The following GABRB1 variants were observed in gnomAD, a reference collection of about 807,000 sequenced individuals.
GABRB1 encodes the protein gamma-aminobutyric acid type A receptor subunit beta1.
GABRB1 carries 17 observed loss-of-function variants against 51.6 expected under a neutral mutation model. The observed-to-expected ratio is 0.33, with a 90% confidence interval of 0.23 to 0.49. The LOEUF is 0.49. GABRB1 is among the 20% of genes least tolerant of loss of function. The pLI is 0.99. For missense variants in GABRB1, 410 were observed against 600.6 expected (o/e 0.68, Z 3.32); for synonymous variants, 247 against 218.9 (o/e 1.13, Z -1.14).
At chr4:47,021,117 A>G (rs946446241) in intron 1 of GABRB1, among the ~76,000 whole-genome samples, 1 of 152,158 alleles carries the variant, frequency 6.6e-6, no homozygotes. Flanking sequence ...AACCCTCCAC[A>G]GATTCCTATC....
intron 5 of GABRB1, among the ~76,000 whole-genome samples, chr4:47,386,313 T>C (rs1578138484): frequency 6.6e-6 from 1 of 152,186 alleles, no homozygotes; most frequent in African/African-American, 2.4e-5. Flanking sequence ...AAATCACATA[T>C]ATATTTATTA....
intron 5 of GABRB1, among the ~76,000 whole-genome samples, chr4:47,379,361 T>G (rs541716872): frequency 1.1e-4 from 17 of 152,290 alleles, no homozygotes; most frequent in African/African-American, 4.1e-4. Flanking sequence ...AGCCATTCAG[T>G]TTTTCATTTT....
At chr4:47,388,889 G>A (rs532482813) in intron 5 of GABRB1, among the ~76,000 whole-genome samples, 53 of 152,252 alleles carry the variant, frequency 3.5e-4, no homozygotes, top group African/African-American at 1.2e-3. Flanking sequence ...AAAGGATTGG[G>A]TTTGTTTTCT....
At chr4:47,269,672 T>C (rs778009257) in intron 4 of GABRB1, among the ~76,000 whole-genome samples, 9 of 152,058 alleles carry the variant, frequency 5.9e-5, no homozygotes, top group Non-Finnish European at 1.0e-4. Flanking sequence ...TTTTCTTTCT[T>C]CCCCGTGTCT....
chr4:47,371,254 A>G (rs910902513), intron 5 of GABRB1, among the ~76,000 whole-genome samples: 4 of 152,162 alleles, frequency 2.6e-5, no homozygotes, highest in Non-Finnish European at 5.9e-5. Flanking sequence ...ATGGCCCTGG[A>G]AAGAACATGA....
At chr4:47,123,438 T>TATTATATATTATAATATATTAC (rs1715886987) in intron 3 of GABRB1, among the ~76,000 whole-genome samples, 1 of 68,980 alleles carries the variant, frequency 1.4e-5, no homozygotes, top group Non-Finnish European at 2.8e-5. Context: ...TATTATAATA[T>TATTATATATTATAATATATTAC]ATTATTTTAT....
intron 3 of GABRB1, among the ~76,000 whole-genome samples, chr4:47,130,145 G>A (rs1397507143): frequency 6.6e-6 from 1 of 152,064 alleles, no homozygotes; most frequent in Non-Finnish European, 1.5e-5. Context: ...GATACCAAGT[G>A]TTTTATTTCC....
intron 4 of GABRB1, among the ~76,000 whole-genome samples, chr4:47,289,672 G>A (rs895769747): frequency 2.4e-4 from 36 of 152,286 alleles, no homozygotes; most frequent in Non-Finnish European, 2.6e-4. Flanking sequence ...TACTGGATGA[G>A]TGATGGAAAC....
rs535303771 is a variant in GABRB1, at chr4:47,403,981, A to G, written c.835+270A>G. Among the ~76,000 whole-genome samples, 4 of 152,316 alleles carry G rather than the reference A, an allele frequency of 2.6e-5. No individual in the cohort carries two copies. The South Asian group carries it at 6.2e-4, about 24-fold the overall frequency. On this transcript the variant is annotated intron_variant, in intron 7 of 8. Coordinates refer to ENST00000295454, the MANE Select transcript of GABRB1 (RefSeq NM_000812.4). The stretch of plus-strand genomic sequence containing the variant: ...AGTGTCTCATGGAATATATTTTTAA[A>G]TTCTCATTACACTAGTTTTTACTAA...
intron 3 of GABRB1, among the ~76,000 whole-genome samples, chr4:47,160,700 C>G (rs545018997): frequency 6.6e-6 from 1 of 151,972 alleles, no homozygotes; most frequent in South Asian, 2.1e-4. Flanking sequence ...TCTATTTGCT[C>G]TATATTGGTG....
At chr4:47,212,415 G>T (rs1837884) in intron 4 of GABRB1, among the ~76,000 whole-genome samples, 52,195 of 151,966 alleles carry the variant, frequency 0.34, 9,302 homozygotes, top group African/African-American at 0.37. Context: ...GGTGGCTCAC[G>T]CCTGTAATCC....
chr4:47,105,899 A>G (rs1344263587), intron 3 of GABRB1, among the ~76,000 whole-genome samples: 1 of 152,126 alleles, frequency 6.6e-6, no homozygotes, highest in African/African-American at 2.4e-5. Context: ...TCAGCAGTTC[A>G]TTGAAAATTT....
At chr4:47,047,073 C>G (rs1577857360) in intron 3 of GABRB1, among the ~76,000 whole-genome samples, 1 of 152,166 alleles carries the variant, frequency 6.6e-6, no homozygotes, top group African/African-American at 2.4e-5. Flanking sequence ...TGAAAATAAT[C>G]TGTACAACAA....
At position 47,210,858 on chromosome 4, in the gene GABRB1, A is replaced by T. The variant is rs1720326131; in HGVS notation, c.461+49389A>T. Among the ~76,000 whole-genome samples, 4 of 152,346 alleles carry T rather than the reference A, an allele frequency of 2.6e-5. No individual in the cohort carries two copies. The South Asian group carries it at 8.3e-4, about 32-fold the overall frequency. On this transcript the variant is annotated intron_variant, in intron 4 of 8. Transcript: ENST00000295454. Reference sequence around the variant, plus strand: ...GCAAAGAGACAGCCACGGGGGCTATAGTAACTCTTAGGGATATACCTAACT... The same window carrying T: ...GCAAAGAGACAGCCACGGGGGCTATTGTAACTCTTAGGGATATACCTAACT...
chr4:47,026,386 C>T (rs550561379), intron 1 of GABRB1, among the ~76,000 whole-genome samples: 1 of 152,052 alleles, frequency 6.6e-6, no homozygotes, highest in Non-Finnish European at 1.5e-5. Context: ...CAGTTAATAT[C>T]AGGCACTAAA....
At chr4:47,337,350 G>C (rs968758902) in intron 5 of GABRB1, among the ~76,000 whole-genome samples, 1 of 152,146 alleles carries the variant, frequency 6.6e-6, no homozygotes, top group African/African-American at 2.4e-5. Context: ...TGGTGGATAA[G>C]CTATGTTTGT....
At chr4:47,398,939 C>A (rs1038197696) in intron 5 of GABRB1, among the ~76,000 whole-genome samples, 9 of 152,138 alleles carry the variant, frequency 5.9e-5, no homozygotes, top group Non-Finnish European at 1.2e-4. Flanking sequence ...TATAGGGGCC[C>A]GCCACCACGT....
rs552043110 is a variant in GABRB1 at position 47,412,686 on chromosome 4, G to C, written c.1080+5760G>C. Among the ~76,000 whole-genome samples, 9 of 152,250 alleles carry C rather than the reference G, an allele frequency of 5.9e-5. No homozygotes were observed. The South Asian group carries it at 1.9e-3, about 32-fold the overall frequency. On this transcript the variant is annotated intron_variant, in intron 8 of 8. Coordinates refer to ENST00000295454, the MANE Select transcript of GABRB1 (RefSeq NM_000812.4). ...ATAAGGAGTGAGGTTAAGAGCAGAG[G>C]TTTAATAGGAGAAAGAAAGAGAAAT...
At chr4:47,117,044 A>G (rs1164956611) in intron 3 of GABRB1, among the ~76,000 whole-genome samples, 2 of 152,156 alleles carry the variant, frequency 1.3e-5, no homozygotes, top group Non-Finnish European at 2.9e-5. Flanking sequence ...CCATTCCTCC[A>G]ACACTGAAGA....
Sources: allele counts gnomAD v4.1 joint callset (sites outside exome capture counted in the v4.1 genomes callset), GRCh38; gene constraint gnomAD v4.1.1; transcripts MANE v1.5; gene names NCBI Gene and HGNC (gene_info 2026-07-23, HGNC 2026-07-21).